Variants in PIK3R1 observed in about 807,000 individuals in gnomAD.
The protein encoded by PIK3R1 is phosphatidylinositol 3-kinase regulatory subunit alpha.
PIK3R1 carries 29 observed loss-of-function variants against 98.0 expected under a neutral mutation model. The observed-to-expected ratio is 0.30, with a 90% confidence interval of 0.22 to 0.40. The LOEUF (loss-of-function observed/expected upper bound fraction) is 0.40, where lower values mean the gene tolerates loss of function less well. Ranked by LOEUF, PIK3R1 falls within the 10% of genes least tolerant of loss-of-function variation. The probability of loss-of-function intolerance (pLI) is 1.00; values close to 1 mark genes in which losing one functional copy is unlikely to be tolerated. For synonymous variants in PIK3R1, 282 were observed against 311.8 expected (o/e 0.90, Z 1.01); for missense variants, 596 against 872.7 (o/e 0.68, Z 3.99).
At chr5:68,229,089 T>G (rs937030599) in intron 2 of PIK3R1, among the ~76,000 whole-genome samples, 1 of 150,658 alleles carries the variant, frequency 6.6e-6, no homozygotes, top group African/African-American at 2.4e-5. Context: ...TGAATATAAA[T>G]GAGAAATTAG....
intron 1 of PIK3R1, among the ~76,000 whole-genome samples, chr5:68,216,410 C>A (rs1334954483): frequency 6.6e-6 from 1 of 152,206 alleles, no homozygotes; most frequent in Admixed American, 6.5e-5. Context: ...CCGTGGCCCT[C>A]CAGCTGCAGC....
intron 4 of PIK3R1, among the ~76,000 whole-genome samples, chr5:68,279,293 G>T (rs767307742): frequency 8.5e-5 from 13 of 152,118 alleles, no homozygotes; most frequent in Non-Finnish European, 1.9e-4. Flanking sequence ...CCATAACAAA[G>T]GCATTATTTT....
chr5:68,247,563 C>T (rs987802974), intron 2 of PIK3R1, among the ~76,000 whole-genome samples: 1 of 151,436 alleles, frequency 6.6e-6, no homozygotes, highest in African/African-American at 2.4e-5. Flanking sequence ...TAGGTGTGAG[C>T]CACTGCACGT....
At position 68,262,386 on chromosome 5, in the gene PIK3R1, T is replaced by TATATATATATATA. The variant is rs576101819; in HGVS notation, c.335-11004_335-11003insATATATATATATA. On this transcript the variant is annotated intron_variant, in intron 2 of 15. Coordinates refer to ENST00000521381, the MANE Select transcript of PIK3R1 (RefSeq NM_181523.3). ...ATGACCAGGCTTCTTTCTATAATTT[T>TATATATATATATA]TATATATATATATATATACACACAC... Among the ~76,000 whole-genome samples, 624 of 138,464 alleles carry TATATATATATATA rather than the reference T, an allele frequency of 4.5e-3. 9 individuals are homozygous for TATATATATATATA. The highest frequency in any genetic ancestry group is 0.015 in the African/African-American group (575 of 37,256). 90.8% of individuals were successfully genotyped at this position (138,464 alleles called of 152,430 possible).
chr5:68,249,303 CTT>C (rs1745214204), intron 2 of PIK3R1, among the ~76,000 whole-genome samples: 1 of 152,170 alleles, frequency 6.6e-6, no homozygotes, highest in Non-Finnish European at 1.5e-5. Flanking sequence ...GCATGTGAAA[CTT>C]TTGTTTCTGC....
At chr5:68,295,689 T>G in intron 14 of PIK3R1, 1 of 591,120 alleles carries the variant, frequency 1.7e-6, no homozygotes, top group Non-Finnish European at 3.0e-6. Context: ...TTATTTTTAC[T>G]CATAATGCTG....
chr5:68,294,206 T>G (rs1445228896), intron 11 of PIK3R1, among the ~76,000 whole-genome samples: 2 of 152,230 alleles, frequency 1.3e-5, no homozygotes, highest in Non-Finnish European at 2.9e-5. Flanking sequence ...AAGGAAGGGC[T>G]ATATACTGCT....
At chr5:68,290,850 T>A in intron 7 of PIK3R1, 1 of 1,538,726 alleles carries the variant, frequency 6.5e-7, no homozygotes, top group African/African-American at 1.4e-5. Context: ...ACTGCAGTAT[T>A]ATTGTAGAGA....
Position 68,292,264 on chromosome 5 carries a change from C to T in PIK3R1, c.922C>T (p.Pro308Ser), listed in dbSNP as rs1561296591. The change falls in exon 8 of 16, where the codon CCT becomes TCT. Residue 308 changes from proline to serine, a missense_variant. Coordinates refer to ENST00000521381, the MANE Select transcript of PIK3R1 (RefSeq NM_181523.3). Reference protein sequence around the residue: ...WNERQPAPALPPKPPKPTTVA... With the variant: ...WNERQPAPALSPKPPKPTTVA... ...TTTTTCTTTTTCATCTGCAGCACTG[C>T]CTCCTAAACCACCAAAACCTACTAC... The T allele has an allele frequency of 1.2e-6, 2 of 1,608,288 alleles. No homozygotes were observed. Among genetic ancestry groups the T allele is most frequent in the Non-Finnish European group, 1.7e-6 (2 of 1,176,524 alleles).
rs1747939174 is a variant in PIK3R1, at chr5:68,299,824, T to C, written c.*2223T>C. The C allele has an allele frequency of 8.6e-6, 2 of 233,222 alleles. No homozygotes were observed. The highest frequency in any genetic ancestry group is 1.7e-5 in the Non-Finnish European group (2 of 118,006). 14.4% of individuals were successfully genotyped at this position (233,222 alleles called of 1,614,324 possible). ...CATACTTAAGCAAAAGTCAGTCTTA[T>C]AGCAAGACTGTTAGCCCTCAAACTT... On this transcript the variant is annotated 3_prime_UTR_variant, in exon 16 of 16. Transcript: ENST00000521381.
At chr5:68,235,981 C>T (rs997123945) in intron 2 of PIK3R1, among the ~76,000 whole-genome samples, 1 of 151,758 alleles carries the variant, frequency 6.6e-6, no homozygotes, top group Admixed American at 6.6e-5. Flanking sequence ...AGCAGTTCTC[C>T]AGCCACAGCC....
chr5:68,260,877 A>G (rs1745715806), intron 2 of PIK3R1, among the ~76,000 whole-genome samples: 1 of 152,246 alleles, frequency 6.6e-6, no homozygotes, highest in South Asian at 2.1e-4. Context: ...TGTTAGATCC[A>G]CATACAGAAG....
chr5:68,221,072 C>T (rs1461816774), intron 1 of PIK3R1, among the ~76,000 whole-genome samples: 1 of 152,208 alleles, frequency 6.6e-6, no homozygotes, highest in South Asian at 2.1e-4. Flanking sequence ...TTGTTATAAA[C>T]TCGAGTTTGG....
Position 68,298,032 on chromosome 5 carries a change from G to C in PIK3R1, c.*431G>C, listed in dbSNP as rs887867144. The C allele has an allele frequency of 8.5e-6, 2 of 234,092 alleles. No homozygotes were observed. The highest frequency in any genetic ancestry group is 1.7e-5 in the Non-Finnish European group (2 of 118,770). 14.5% of individuals were successfully genotyped at this position (234,092 alleles called of 1,614,324 possible). On this transcript the variant is annotated 3_prime_UTR_variant, in exon 16 of 16. Coordinates refer to ENST00000521381, the MANE Select transcript of PIK3R1 (RefSeq NM_181523.3). ...AAGAACCCTGGCCTGAGAAGGTTTG[G>C]TCCAGCCTGGTTTAGCCTGGATGTT...
At chr5:68,292,197 C>A (rs750792492) in intron 7 of PIK3R1, 62 bp from the exon 8 acceptor site, 18 of 976,402 alleles carry the variant, frequency 1.8e-5, no homozygotes, top group Non-Finnish European at 2.9e-5. Flanking sequence ...AAGTATTCAT[C>A]TAAAGAAATT....
chr5:68,266,450 A>G (rs1746126604), intron 2 of PIK3R1, among the ~76,000 whole-genome samples: 1 of 152,174 alleles, frequency 6.6e-6, no homozygotes, highest in Non-Finnish European at 1.5e-5. Context: ...CTGCATTTCA[A>G]AGTAGTTCAT....
At chr5:68,245,081 C>T (rs1023846006) in intron 2 of PIK3R1, among the ~76,000 whole-genome samples, 3 of 152,028 alleles carry the variant, frequency 2.0e-5, no homozygotes, top group African/African-American at 2.4e-5. Context: ...TTCAAAAGGA[C>T]GAAATAGATT....
At position 68,273,433 on chromosome 5, in the gene PIK3R1, C is replaced by T. The variant is rs1300277814; in HGVS notation, c.378C>T (p.Asp126=). 1.2e-6 allele frequency: 2 copies of T among 1,614,130 alleles called. No individual in the cohort carries two copies. Among genetic ancestry groups the T allele is most frequent in the Admixed American group, 3.3e-5 (2 of 60,020 alleles). ...TTGCAGAGCAGTTTGCCCCTCCTGA[C>T]ATTGCCCCGCCTCTTCTTATCAAGC... ...PDLAEQFAPP[D]IAPPLLIKLV... is the part of the protein sequence containing the mutation. Residue 126 remains aspartate (D), a synonymous_variant, in exon 3 of 16, where the codon GAC becomes GAT. Coordinates refer to ENST00000521381, the MANE Select transcript of PIK3R1 (RefSeq NM_181523.3).
At chr5:68,276,437 A>G (rs902052886) in intron 4 of PIK3R1, among the ~76,000 whole-genome samples, 2 of 152,200 alleles carry the variant, frequency 1.3e-5, no homozygotes, top group African/African-American at 2.4e-5. Flanking sequence ...AAGGAAGAGG[A>G]GACTCCATTC....
Sources: allele counts gnomAD v4.1 joint callset (sites outside exome capture counted in the v4.1 genomes callset), GRCh38; gene constraint gnomAD v4.1.1; transcripts MANE v1.5; gene names NCBI Gene and HGNC (gene_info 2026-07-23, HGNC 2026-07-21).